PCDHGB3: variants seen among roughly 807,000 people sequenced by gnomAD.
PCDHGB3 encodes the protein protocadherin gamma-B3.
Under a neutral mutation model 59.2 loss-of-function variants are expected in PCDHGB3, and 40 were observed. The observed-to-expected ratio is 0.68, with a 90% confidence interval of 0.52 to 0.88. The LOEUF (loss-of-function observed/expected upper bound fraction) is 0.88. PCDHGB3 is among the 40% of genes least tolerant of loss of function. The probability of loss-of-function intolerance (pLI) is 0.00; values close to 1 mark genes in which losing one functional copy is unlikely to be tolerated. For synonymous variants in PCDHGB3, 581 were observed against 503.6 expected, an observed-to-expected ratio of 1.15 and a Z score of -2.06; for missense variants, 1,309 against 1,187.9, an observed-to-expected ratio of 1.10 and a Z score of -1.50.
intron 1 of PCDHGB3, chr5:141,428,370 C>A: frequency 1.8e-6 from 1 of 540,734 alleles, no homozygotes; most frequent in Non-Finnish European, 3.4e-6. Flanking sequence ...TCGCCTTGCA[C>A]CTGCGATGCT....
chr5:141,390,723 A>G (rs2092214355), intron 1 of PCDHGB3: 1 of 196,804 alleles, frequency 5.1e-6, no homozygotes, highest in Non-Finnish European at 1.0e-5. Context: ...TAACTAATTT[A>G]ACTGGTATGG....
At chr5:141,409,674 TAGTGGCG>T in intron 1 of PCDHGB3, 1 of 1,613,414 alleles carries the variant, frequency 6.2e-7, no homozygotes, top group Non-Finnish European at 8.5e-7. Flanking sequence ...TCCTACTCTA[TAGTGGCG>T]AGTGACCTAG....
chr5:141,376,321 T>A (rs764863792), intron 1 of PCDHGB3: 5 of 1,614,176 alleles, frequency 3.1e-6, no homozygotes, highest in African/African-American at 1.3e-5. Flanking sequence ...TGGAAGGGGT[T>A]CGGGCTTTCC....
chr5:141,413,904 G>T (rs1230344912), intron 1 of PCDHGB3: 3 of 1,613,160 alleles, frequency 1.9e-6, no homozygotes, highest in East Asian at 2.2e-5. Context: ...ATGACAACGC[G>T]CCGGTCTTCA....
intron 1 of PCDHGB3, among the ~76,000 whole-genome samples, chr5:141,465,443 C>T (rs979024871): frequency 6.6e-6 from 1 of 152,158 alleles, no homozygotes; most frequent in Non-Finnish European, 1.5e-5. Flanking sequence ...AATGATTACC[C>T]AAGAAAACTC....
chr5:141,487,591 C>T lies in PCDHGB3; in HGVS notation c.2416-7216C>T. 8 of 1,614,176 alleles carry T rather than the reference C, an allele frequency of 5.0e-6. No homozygotes were observed. The highest frequency in any genetic ancestry group is 6.8e-6 in the Non-Finnish European group (8 of 1,180,036). On this transcript the variant is annotated intron_variant, in intron 1 of 3. Coordinates refer to ENST00000576222, the MANE Select transcript of PCDHGB3 (RefSeq NM_018924.5). The surrounding 1 kb of genome is among the most constrained non-coding windows in gnomAD (Gnocchi z 5.0). ...AGCCTGTTCGCCCAAGCTGCCCACC[C>T]TCTGATCTTCTCTATGGGCTAGAGG...
chr5:141,377,469 A>C (rs6896353), intron 1 of PCDHGB3: 1 of 151,896 alleles, frequency 6.6e-6, no homozygotes, highest in Non-Finnish European at 1.5e-5. Context: ...TGTGGCGTAC[A>C]CCTGTAGTCC....
chr5:141,469,881 G>A (rs922510082), intron 1 of PCDHGB3, among the ~76,000 whole-genome samples: 11 of 152,056 alleles, frequency 7.2e-5, no homozygotes, highest in Admixed American at 3.3e-4. Context: ...CTGTAATCTC[G>A]GCACTTTGGG....
chr5:141,389,905 C>T (rs1254194844), intron 1 of PCDHGB3: 1 of 1,613,984 alleles, frequency 6.2e-7, no homozygotes, highest in Non-Finnish European at 8.5e-7. Flanking sequence ...CCGGATATCA[C>T]TGACCGCCCC....
intron 1 of PCDHGB3, among the ~76,000 whole-genome samples, chr5:141,436,389 TTAAA>T (rs1385837876): frequency 6.6e-6 from 1 of 152,212 alleles, no homozygotes; most frequent in Non-Finnish European, 1.5e-5. Context: ...ATAGGCTTTA[TTAAA>T]TAGTTGTTGA....
intron 2 of PCDHGB3, among the ~76,000 whole-genome samples, chr5:141,504,253 G>A (rs1036263329): frequency 6.6e-6 from 1 of 152,100 alleles, no homozygotes; most frequent in Non-Finnish European, 1.5e-5. Context: ...TTCTTCTTAT[G>A]GTTTAGTATT....
intron 2 of PCDHGB3, among the ~76,000 whole-genome samples, chr5:141,498,338 G>T (rs2237079): frequency 2.6e-5 from 4 of 151,600 alleles, no homozygotes; most frequent in Non-Finnish European, 5.9e-5. Flanking sequence ...CATTCCAAAT[G>T]GGAAAAGCCT....
chr5:141,410,239 T>C, intron 1 of PCDHGB3: 2 of 1,614,024 alleles, frequency 1.2e-6, no homozygotes, highest in Admixed American at 1.7e-5. Flanking sequence ...GCGACCGCCC[T>C]GTACTCTCTG....
Position 141,477,584 on chromosome 5 carries a change from G to A in PCDHGB3, c.2416-17223G>A. 5 of 1,614,148 alleles carry A rather than the reference G, an allele frequency of 3.1e-6. No homozygotes were observed. Among genetic ancestry groups the A allele is most frequent in the Non-Finnish European group, 4.2e-6 (5 of 1,180,032 alleles). On this transcript the variant is annotated intron_variant, in intron 1 of 3. Coordinates refer to ENST00000576222, the MANE Select transcript of PCDHGB3 (RefSeq NM_018924.5). This position sits in a 1 kb window ranked among gnomAD's most constrained non-coding sequence, Gnocchi z 4.9. ...CTGGGACCCCGACGCCCCGCAGAAT[G>A]CTCGGCTTTCTTTCTTTCTCTTGGA...
At chr5:141,461,951 G>C (rs1419637040) in intron 1 of PCDHGB3, among the ~76,000 whole-genome samples, 1 of 152,186 alleles carries the variant, frequency 6.6e-6, no homozygotes, top group African/African-American at 2.4e-5. Context: ...AACCTCCTGA[G>C]TAGCTGGGAT....
At chr5:141,407,961 A>C in intron 1 of PCDHGB3, 1 of 672,320 alleles carries the variant, frequency 1.5e-6, no homozygotes, top group Non-Finnish European at 2.4e-6. Context: ...AGTGCAGAGC[A>C]AGCGCTGACG....
At chr5:141,405,330 T>C (rs750658260) in intron 1 of PCDHGB3, 1 of 1,614,206 alleles carries the variant, frequency 6.2e-7, no homozygotes, top group East Asian at 2.2e-5. Context: ...CCTTTGTGCG[T>C]CTCTGTTGAT....
In PCDHGB3 at chr5:141,419,578, G is replaced by A. The variant is rs1339676992; in HGVS notation, c.2415+46769G>A. The A allele has an allele frequency of 1.9e-6, 3 of 1,611,604 alleles. No individual in the cohort carries two copies. In the Admixed American group the frequency reaches 5.0e-5, roughly 27 times the overall value. On this transcript the variant is annotated intron_variant, in intron 1 of 3. Transcript: ENST00000576222. ...CTGCGCTGGGTCCCGACGGCTCCGC[G>A]CTCTTCGACACAGTGCCGCGGGCCG...
At chr5:141,383,688 G>A (rs1246896425) in intron 1 of PCDHGB3, 6 of 1,614,008 alleles carry the variant, frequency 3.7e-6, no homozygotes, top group Non-Finnish European at 5.1e-6. Context: ...GACTGCTCAC[G>A]GTACATGCTA....
Sources: allele counts gnomAD v4.1 joint callset (sites outside exome capture counted in the v4.1 genomes callset), GRCh38; gene constraint gnomAD v4.1.1; non-coding constraint Gnocchi (gnomAD v3.1); transcripts MANE v1.5; gene names NCBI Gene and HGNC (gene_info 2026-07-23, HGNC 2026-07-21).